The following ADGRB3 variants were observed in gnomAD, a reference collection of about 807,000 sequenced individuals.
ADGRB3 encodes the protein adhesion G protein-coupled receptor B3, also known as brain-specific angiogenesis inhibitor 3.
ADGRB3 carries 37 observed loss-of-function variants against 193.4 expected under a neutral mutation model. That is an observed-to-expected ratio of 0.19 (90% CI 0.15 to 0.25). The LOEUF (loss-of-function observed/expected upper bound fraction) is 0.25. Among genes scored for constraint, ADGRB3 ranks in the 10% least tolerant of loss-of-function variants. ADGRB3 has a pLI of 1.00. For missense variants in ADGRB3, 1,637 were observed against 1,852.9 expected (o/e 0.88, Z 2.14); for synonymous variants, 690 against 644.2 (o/e 1.07, Z -1.08).
intron 3 of ADGRB3, among the ~76,000 whole-genome samples, chr6:68,776,139 C>T (rs1357585497): frequency 6.6e-6 from 1 of 152,100 alleles, no homozygotes; most frequent in African/African-American, 2.4e-5. Context: ...TATCCTACTT[C>T]CCTAATATAT....
At chr6:68,768,759 A>G (rs765861352) in intron 3 of ADGRB3, among the ~76,000 whole-genome samples, 3 of 152,182 alleles carry the variant, frequency 2.0e-5, no homozygotes, top group Non-Finnish European at 2.9e-5. Flanking sequence ...CAGGAAACCT[A>G]CAGAATGGGA....
chr6:69,077,504 G>GT (rs779907022), intron 17 of ADGRB3, among the ~76,000 whole-genome samples: 10 of 151,724 alleles, frequency 6.6e-5, no homozygotes, highest in East Asian at 1.9e-4. Context: ...GGGGGAAAGT[G>GT]TTAGTTATTC....
chr6:69,106,164 T>TAAAAAAAAAAAAAAAAAAAAAAAAAAA (rs61114782), intron 17 of ADGRB3, among the ~76,000 whole-genome samples: 16 of 91,072 alleles, frequency 1.8e-4, no homozygotes, highest in East Asian at 5.0e-4. Flanking sequence ...GAGACTGCGT[T>TAAAAAAAAAAAAAAAAAAAAAAAAAAA]AAAAAAAAAA....
chr6:68,824,652 A>T (rs1419050869), intron 3 of ADGRB3, among the ~76,000 whole-genome samples: 1 of 148,562 alleles, frequency 6.7e-6, no homozygotes, highest in East Asian at 1.9e-4. Flanking sequence ...TATATATTAT[A>T]AATATATATG....
At chr6:69,114,130 A>G (rs1773454711) in intron 17 of ADGRB3, among the ~76,000 whole-genome samples, 1 of 152,114 alleles carries the variant, frequency 6.6e-6, no homozygotes, top group African/African-American at 2.4e-5. Flanking sequence ...TACTCACCCT[A>G]TCCCAGACAT....
rs567518885 is a variant in ADGRB3 at position 69,091,873 on chromosome 6, A to G, written c.2480+15835A>G. On this transcript the variant is annotated intron_variant, in intron 17 of 31. Transcript: ENST00000370598. ...AAAAATCATGTTAAATGTTTGGAGT[A>G]TTTTTGACATGATTAAAAAAATGTA... Among the ~76,000 whole-genome samples the G allele has an allele frequency of 1.1e-4, 16 of 152,328 alleles. No individual in the cohort carries two copies. In the East Asian group the frequency reaches 3.1e-3, roughly 29 times the overall value.
chr6:69,270,097 G>A (rs6919398), intron 20 of ADGRB3, among the ~76,000 whole-genome samples: 7,538 of 152,178 alleles, frequency 0.05, 228 homozygotes, highest in Non-Finnish European at 0.072. Flanking sequence ...GTTTATTTCA[G>A]TTAATGAGCA....
intron 3 of ADGRB3, among the ~76,000 whole-genome samples, chr6:68,930,306 T>C (rs1020997385): frequency 2.6e-5 from 4 of 152,056 alleles, no homozygotes; most frequent in African/African-American, 9.7e-5. Context: ...GAGTACAGTA[T>C]CTCTGTTAAG....
intron 3 of ADGRB3, among the ~76,000 whole-genome samples, chr6:68,707,566 G>A (rs1371923967): frequency 6.6e-6 from 1 of 151,846 alleles, no homozygotes; most frequent in East Asian, 1.9e-4. Context: ...CAATCAAATG[G>A]GCTAAAGATT....
chr6:69,004,098 T>G (rs1250742802), intron 11 of ADGRB3, among the ~76,000 whole-genome samples: 1 of 152,224 alleles, frequency 6.6e-6, no homozygotes, highest in African/African-American at 2.4e-5. Flanking sequence ...GATGGTTTTA[T>G]GTTGTGATTC....
chr6:69,040,688 AAAAAAAAAAAAAAAAAAAAAAC>A (rs1771032595), intron 13 of ADGRB3, among the ~76,000 whole-genome samples: 6 of 141,190 alleles, frequency 4.2e-5, no homozygotes, highest in South Asian at 4.7e-4. Flanking sequence ...AAAAAAAAAA[AAAAAAAAAAAAAAAAAAAAAAC>A]AAACAAGAAT....
At chr6:68,799,054 A>G (rs373660287) in intron 3 of ADGRB3, among the ~76,000 whole-genome samples, 1 of 152,206 alleles carries the variant, frequency 6.6e-6, no homozygotes, top group Non-Finnish European at 1.5e-5. Flanking sequence ...GAACAGACTT[A>G]TATAATAGAA....
At chr6:69,378,352 A>G (rs1028626390) in intron 30 of ADGRB3, among the ~76,000 whole-genome samples, 1 of 152,004 alleles carries the variant, frequency 6.6e-6, no homozygotes, top group Admixed American at 6.6e-5. Context: ...CCCTGAATCT[A>G]TGAGACACAT....
chr6:69,136,458 C>G (rs561979014), intron 17 of ADGRB3, among the ~76,000 whole-genome samples: 2 of 152,092 alleles, frequency 1.3e-5, no homozygotes, highest in African/African-American at 4.8e-5. Context: ...GCTACTGATG[C>G]TTTATGAAGC....
intron 3 of ADGRB3, among the ~76,000 whole-genome samples, chr6:68,679,633 G>A (rs1217834810): frequency 6.6e-6 from 1 of 152,078 alleles, no homozygotes; most frequent in Non-Finnish European, 1.5e-5. Flanking sequence ...CAGCATTAAT[G>A]AATCATTCCA....
chr6:68,863,987 T>C lies in ADGRB3; in HGVS notation c.758-66572T>C, dbSNP rs566681055. Among the ~76,000 whole-genome samples the C allele has an allele frequency of 1.1e-3, 172 of 152,330 alleles. 1 individual carries two copies. Among genetic ancestry groups the C allele is most frequent in the Non-Finnish European group, 2.1e-3 (144 of 68,012 alleles). On this transcript the variant is annotated intron_variant, in intron 3 of 31. Coordinates refer to ENST00000370598, the MANE Select transcript of ADGRB3 (RefSeq NM_001704.3). ...TTGTGTCTTTTTCCTAATTAGATTT[T>C]CTTTCAGGGTACCAAAGATCATTAT...
intron 17 of ADGRB3, among the ~76,000 whole-genome samples, chr6:69,137,931 C>G (rs1438496917): frequency 6.6e-6 from 1 of 152,244 alleles, no homozygotes; most frequent in Non-Finnish European, 1.5e-5. Context: ...TGCTGTCATT[C>G]AGCAACTCAG....
chr6:69,224,480 G>A (rs1765967526), intron 17 of ADGRB3, among the ~76,000 whole-genome samples: 1 of 152,100 alleles, frequency 6.6e-6, no homozygotes, highest in Non-Finnish European at 1.5e-5. Flanking sequence ...TATACAAACA[G>A]AATGAATTAT....
At chr6:68,746,451 T>G (rs1269576965) in intron 3 of ADGRB3, among the ~76,000 whole-genome samples, 3 of 152,058 alleles carry the variant, frequency 2.0e-5, no homozygotes, top group Non-Finnish European at 4.4e-5. Flanking sequence ...TTTATAATTT[T>G]TATATAATCA....
Sources: allele counts gnomAD v4.1 joint callset (sites outside exome capture counted in the v4.1 genomes callset), GRCh38; gene constraint gnomAD v4.1.1; transcripts MANE v1.5; gene names NCBI Gene and HGNC (gene_info 2026-07-23, HGNC 2026-07-21).